The following DSG3 variants were observed in gnomAD, a reference collection of about 807,000 sequenced individuals.
The protein encoded by DSG3 is desmoglein 3.
In DSG3, 63 loss-of-function variants were observed where a neutral mutation model predicts 85.9. The ratio of observed to expected loss-of-function variants is 0.73; its 90% confidence interval spans 0.60 to 0.90. The LOEUF (loss-of-function observed/expected upper bound fraction) is 0.90. DSG3 is among the 40% of genes least tolerant of loss of function. DSG3 has a pLI of 0.00. For synonymous variants in DSG3, 447 were observed against 441.9 expected, an observed-to-expected ratio of 1.01 and a Z score of -0.14; for missense variants, 1,220 against 1,219.9, an observed-to-expected ratio of 1.00 and a Z score of 0.00.
rs772341357 is a variant in DSG3, at chr18:31,469,124, C to T, written c.1672C>T (p.Pro558Ser). 1 of 1,614,216 alleles carries T rather than the reference C, an allele frequency of 6.2e-7. No individual in the cohort carries two copies. Among genetic ancestry groups the T allele is most frequent in the Non-Finnish European group, 8.5e-7 (1 of 1,180,038 alleles). Residue 558 changes from proline (P) to serine (S), a missense_variant, in exon 12 of 16, where the codon CCT becomes TCT. Physicochemically the swap from Pro to Ser is moderately conservative, Grantham distance 74. Transcript: ENST00000257189. Reference sequence around the variant, plus strand: ...CCTCCTCAGAGCCCAGGAACAGATACCTCCTGGAGTATACCACATCTCCCT... The same window carrying T: ...CCTCCTCAGAGCCCAGGAACAGATATCTCCTGGAGTATACCACATCTCCCT... ...SALLRAQEQI[P>S]PGVYHISLVL...
At position 31,472,400 on chromosome 18, in the gene DSG3, G is replaced by C. The variant is rs770846167; in HGVS notation, c.2014G>C (p.Glu672Gln). ...SEGTIHQWGI[E>Q]GAHPEDKEIT... is the part of the protein sequence containing the mutation. The stretch of plus-strand genomic sequence containing the variant: ...AGGAACAATTCATCAGTGGGGAATT[G>C]AAGGAGCCCATCCTGAAGACAAGGT... Residue 672 changes from glutamate to glutamine, a missense_variant, in exon 13 of 16, where the codon GAA (glutamate) becomes CAA (glutamine). Glu to Gln is a conservative substitution (Grantham distance 29, BLOSUM62 2). Coordinates refer to ENST00000257189, the MANE Select transcript of DSG3 (RefSeq NM_001944.3). 6.2e-7 allele frequency: 1 copy of C among 1,613,876 alleles called. No individual in the cohort carries two copies. The highest frequency in any genetic ancestry group is 1.3e-5 in the African/African-American group (1 of 75,032).
chr18:31,457,562 TTTCTTTCTTTCTTTCTTTCTTTC>T lies in DSG3; in HGVS notation c.216+464_216+486del, dbSNP rs1466203005. The stretch of plus-strand genomic sequence containing the variant: ...TTCTTTCTTTCTCTTTCTTTCTTTC[TTTCTTTCTTTCTTTCTTTCTTTC>T]TTCTTTCTTTCTTTCTTTCTTTCTT... On this transcript the variant is annotated intron_variant, in intron 3 of 15. Coordinates refer to ENST00000257189, the MANE Select transcript of DSG3 (RefSeq NM_001944.3). Among the ~76,000 whole-genome samples, 17 of 104,668 alleles carry T rather than the reference TTTCTTTCTTTCTTTCTTTCTTTC, an allele frequency of 1.6e-4. No individual in the cohort carries two copies. In the South Asian group the frequency reaches 3.3e-3, roughly 21 times the overall value. The allele number at this position is 104,668 out of a possible 152,430, so 68.7% of individuals were successfully genotyped here.
chr18:31,455,410 A>T (rs79980396), intron 1 of DSG3, among the ~76,000 whole-genome samples: 1 of 152,178 alleles, frequency 6.6e-6, no homozygotes, highest in Non-Finnish European at 1.5e-5. Context: ...GAAAAAAAAA[A>T]TAACCTAATA....
chr18:31,475,284 CAA>C (rs1380791299), intron 15 of DSG3, among the ~76,000 whole-genome samples: 2 of 151,924 alleles, frequency 1.3e-5, no homozygotes, highest in Non-Finnish European at 2.9e-5. Context: ...TCCAAGCAGA[CAA>C]AGAGTGATAT....
Position 31,460,949 on chromosome 18 carries a change from T to C in DSG3, c.801T>C (p.Phe267=). ...ATGTCAACGATAACTTCCCAATGTT[T>C]AGAGACTCTCAGGTACACCCATTGC... ...VKDVNDNFPM[F]RDSQYSARIE... The change falls in exon 7 of 16, where the codon TTT becomes TTC. Residue 267 remains phenylalanine, a synonymous_variant. Transcript: ENST00000257189. The C allele has an allele frequency of 6.2e-7, 1 of 1,600,432 alleles. No homozygotes were observed. The highest frequency in any genetic ancestry group is 1.1e-5 in the South Asian group (1 of 87,310).
In DSG3 at chr18:31,475,946, GT is replaced by G; in HGVS notation, c.2688del (p.Lys897SerfsTer36). ...HPIEVQQTGF[V>X]KCQTLSGSQG... is the part of the protein sequence containing the mutation. ...CATAGAAGTCCAGCAGACAGGATTTGTTAAGTGCCAGACTTTGTCAGGAAGT... is the reference window on the plus strand; with the variant it reads ...CATAGAAGTCCAGCAGACAGGATTTGTAAGTGCCAGACTTTGTCAGGAAGT... On this transcript the variant is annotated frameshift_variant, in exon 16 of 16. Transcript: ENST00000257189. LOFTEE classifies it low-confidence loss of function (END_TRUNC). The G allele has an allele frequency of 6.2e-7, 1 of 1,614,220 alleles. No homozygotes were observed. Among genetic ancestry groups the G allele is most frequent in the East Asian group, 2.2e-5 (1 of 44,888 alleles).
chr18:31,455,805 A>C (rs927233894), intron 1 of DSG3, among the ~76,000 whole-genome samples: 3 of 152,166 alleles, frequency 2.0e-5, no homozygotes, highest in African/African-American at 7.2e-5. Context: ...TCAATATTTA[A>C]ATTGAAGTAA....
intron 2 of DSG3, 27 bp downstream of exon 2, chr18:31,456,502 TTAAAA>T (rs768670681): frequency 3.9e-6 from 5 of 1,270,302 alleles, no homozygotes; most frequent in South Asian, 6.3e-5. Flanking sequence ...GTTTTTGTAC[TTAAAA>T]TAATAGTTTA....
intron 2 of DSG3, 47 bp downstream of exon 2, chr18:31,456,522 A>T (rs915147192): frequency 2.6e-5 from 26 of 1,006,274 alleles, no homozygotes; most frequent in Middle Eastern, 2.5e-4. Flanking sequence ...AGTTTAGTTT[A>T]AAAAAAAATT....
chr18:31,462,953 C>A (rs2072795387), intron 8 of DSG3, among the ~76,000 whole-genome samples: 1 of 152,192 alleles, frequency 6.6e-6, no homozygotes, highest in African/African-American at 2.4e-5. Context: ...TTACCTGCAA[C>A]TTTCCCTTGA....
chr18:31,456,369 G>T, intron 1 of DSG3, 71 bp from the exon 2 acceptor site: 2 of 941,638 alleles, frequency 2.1e-6, no homozygotes, highest in African/African-American at 1.7e-5. Context: ...TAATAATCAG[G>T]ATTATTCATT....
intron 9 of DSG3, among the ~76,000 whole-genome samples, chr18:31,465,113 G>A (rs534403533): frequency 5.8e-4 from 83 of 143,806 alleles, no homozygotes; most frequent in African/African-American, 1.9e-3. Flanking sequence ...CAACAAGAGC[G>A]AAACTCCGTC....
chr18:31,448,054 A>T, intron 1 of DSG3, 129 bp downstream of exon 1: 1 of 592,978 alleles, frequency 1.7e-6, no homozygotes, highest in Non-Finnish European at 2.6e-6. Context: ...ACACTTTGAA[A>T]TGAAATCGTG....
At chr18:31,449,805 G>T (rs7240484) in intron 1 of DSG3, among the ~76,000 whole-genome samples, 42,398 of 152,024 alleles carry the variant, frequency 0.28, 6,815 homozygotes, top group African/African-American at 0.45. Flanking sequence ...CAACTGAGTG[G>T]TCTAGACCTA....
At chr18:31,451,624 T>G (rs1012122640) in intron 1 of DSG3, among the ~76,000 whole-genome samples, 1 of 152,214 alleles carries the variant, frequency 6.6e-6, no homozygotes, top group African/African-American at 2.4e-5. Flanking sequence ...TTTCCAGCAC[T>G]GCTAATATAT....
At chr18:31,458,036 A>G (rs1422087031) in intron 3 of DSG3, among the ~76,000 whole-genome samples, 1 of 152,134 alleles carries the variant, frequency 6.6e-6, no homozygotes, top group Admixed American at 6.5e-5. Context: ...TAACCCTACC[A>G]TACAATCTCT....
intron 12 of DSG3, among the ~76,000 whole-genome samples, chr18:31,469,817 T>C (rs1415494631): frequency 2.0e-5 from 3 of 151,916 alleles, no homozygotes; most frequent in Non-Finnish European, 4.4e-5. Context: ...CTATTAATAT[T>C]AATTAATTAA....
intron 11 of DSG3, among the ~76,000 whole-genome samples, chr18:31,468,376 G>A (rs2072834851): frequency 6.6e-6 from 1 of 152,196 alleles, no homozygotes; most frequent in South Asian, 2.1e-4. Flanking sequence ...CCAAGGATTG[G>A]TGCAGACATA....
chr18:31,475,373 G>A (rs556707637), intron 15 of DSG3, among the ~76,000 whole-genome samples: 1 of 152,270 alleles, frequency 6.6e-6, no homozygotes, highest in Non-Finnish European at 1.5e-5. Context: ...GATATTTCTA[G>A]GTGGGATGTG....
Sources: allele counts gnomAD v4.1 joint callset (sites outside exome capture counted in the v4.1 genomes callset), GRCh38; gene constraint gnomAD v4.1.1; transcripts MANE v1.5; gene names NCBI Gene and HGNC (gene_info 2026-07-23, HGNC 2026-07-21).